The following GFOD1 variants were observed in gnomAD, a reference collection of about 807,000 sequenced individuals.
GFOD1 encodes the protein glucose-fructose oxidoreductase domain-containing protein 1.
In GFOD1, 9 loss-of-function variants were observed where a neutral mutation model predicts 25.4. The ratio of observed to expected loss-of-function variants is 0.35; its 90% CI spans 0.21 to 0.62. The LOEUF (loss-of-function observed/expected upper bound fraction) is 0.62. Ranked by LOEUF, GFOD1 falls within the 20% of genes least tolerant of loss-of-function variation. The pLI, the probability that GFOD1 is intolerant of heterozygous loss-of-function variation, is 0.72. For missense variants in GFOD1, 403 were observed against 556.9 expected (o/e 0.72, Z 2.78); for synonymous variants, 253 against 245.6 (o/e 1.03, Z -0.28).
At chr6:13,393,783 T>TTTC (rs1461907655) in intron 1 of GFOD1, among the ~76,000 whole-genome samples, 1 of 142,424 alleles carries the variant, frequency 7.0e-6, no homozygotes, top group Non-Finnish European at 1.6e-5. Flanking sequence ...TTCTTTTCTT[T>TTTC]TTTTTTTTTT....
intron 1 of GFOD1, among the ~76,000 whole-genome samples, chr6:13,425,809 T>C (rs1362128782): frequency 6.8e-6 from 1 of 147,934 alleles, no homozygotes; most frequent in Non-Finnish European, 1.5e-5. Context: ...TGGGCCACAT[T>C]GGAAGAAGAA....
rs1386071272 is a variant in GFOD1 at position 13,360,811 on chromosome 6, A to G, written c.*3932T>C. ...CACAGTCCTTCCTGGGTGTGAGAGC[A>G]GACCCCGTAGACATTGATAAGGAGC... On this transcript the variant is annotated 3_prime_UTR_variant, in exon 2 of 2. Transcript: ENST00000379287. 2.2e-6 allele frequency: 1 copy of G among 456,750 alleles called. No homozygotes were observed. The highest frequency in any genetic ancestry group is 2.3e-5 in the Admixed American group (1 of 42,588). The allele number at this position is 456,750 out of a possible 1,614,324, so 28.3% of individuals were successfully genotyped here. A position where few individuals can be genotyped will look rare whatever the true frequency, so the allele number is the denominator to read the frequency against.
intron 1 of GFOD1, among the ~76,000 whole-genome samples, chr6:13,394,311 G>T (rs1785681938): frequency 2.0e-5 from 3 of 151,902 alleles, no homozygotes; most frequent in Non-Finnish European, 2.9e-5. Context: ...CATCTGTACA[G>T]AAAAAAGAAT....
intron 1 of GFOD1, among the ~76,000 whole-genome samples, chr6:13,460,590 TA>T (rs1292876662): frequency 6.6e-6 from 1 of 152,190 alleles, no homozygotes; most frequent in Non-Finnish European, 1.5e-5. Flanking sequence ...CTACATGTTC[TA>T]ACTTATAAGT....
chr6:13,458,321 T>C (rs1421330740), intron 1 of GFOD1, among the ~76,000 whole-genome samples: 1 of 152,190 alleles, frequency 6.6e-6, no homozygotes, highest in African/African-American at 2.4e-5. Flanking sequence ...TTTCACCATG[T>C]TGGCCAGGCT....
chr6:13,399,342 G>C (rs1785798286), intron 1 of GFOD1, among the ~76,000 whole-genome samples: 1 of 152,058 alleles, frequency 6.6e-6, no homozygotes, highest in Admixed American at 6.5e-5. Context: ...TAAAACAAAG[G>C]CTTACTCTAA....
intron 1 of GFOD1, among the ~76,000 whole-genome samples, chr6:13,418,097 A>G (rs991086031): frequency 6.6e-6 from 1 of 152,190 alleles, no homozygotes. Flanking sequence ...AGGTAAGAAG[A>G]GAGAAAGGTA....
chr6:13,478,351 G>C (rs969314378), intron 1 of GFOD1, among the ~76,000 whole-genome samples: 4 of 152,156 alleles, frequency 2.6e-5, no homozygotes, highest in Admixed American at 2.0e-4. Context: ...TGTTGGCCAG[G>C]CTGGTCTCGA....
At chr6:13,435,185 T>C (rs1308116282) in intron 1 of GFOD1, among the ~76,000 whole-genome samples, 1 of 152,144 alleles carries the variant, frequency 6.6e-6, no homozygotes, top group South Asian at 2.1e-4. Flanking sequence ...CAACAAGCAA[T>C]GGAACTCAAA....
At chr6:13,367,882 C>T (rs1785077739) in intron 1 of GFOD1, among the ~76,000 whole-genome samples, 1 of 152,098 alleles carries the variant, frequency 6.6e-6, no homozygotes. Flanking sequence ...TAGGCATGCT[C>T]ACCCATAGAC....
intron 1 of GFOD1, among the ~76,000 whole-genome samples, chr6:13,406,748 T>C (rs1439920235): frequency 6.6e-6 from 1 of 152,210 alleles, no homozygotes; most frequent in Non-Finnish European, 1.5e-5. Context: ...ATTGGGCCTT[T>C]AAAGTGTCTG....
intron 1 of GFOD1, among the ~76,000 whole-genome samples, chr6:13,452,942 C>T (rs922511358): frequency 1.3e-5 from 2 of 152,152 alleles, no homozygotes; most frequent in African/African-American, 4.8e-5. Context: ...GGATTCTGGG[C>T]CAGATGTGAA....
chr6:13,379,508 C>T (rs1785317586), intron 1 of GFOD1, among the ~76,000 whole-genome samples: 2 of 152,132 alleles, frequency 1.3e-5, no homozygotes, highest in African/African-American at 2.4e-5. Flanking sequence ...GCAATGACGG[C>T]TTCTATCACC....
At chr6:13,418,724 G>A (rs1187042422) in intron 1 of GFOD1, among the ~76,000 whole-genome samples, 2 of 152,192 alleles carry the variant, frequency 1.3e-5, no homozygotes, top group Non-Finnish European at 2.9e-5. Context: ...AAATCAAGCT[G>A]TCTGGGACTC....
intron 1 of GFOD1, among the ~76,000 whole-genome samples, chr6:13,402,140 C>T (rs1004045033): frequency 6.6e-6 from 1 of 152,284 alleles, no homozygotes; most frequent in African/African-American, 2.4e-5. Context: ...TCCACATGCA[C>T]AAAAATGAAG....
chr6:13,449,218 G>A (rs1357615747), intron 1 of GFOD1, among the ~76,000 whole-genome samples: 1 of 152,236 alleles, frequency 6.6e-6, no homozygotes, highest in Admixed American at 6.5e-5. Context: ...TTGAGCCCAG[G>A]AGGTTGGGGC....
chr6:13,371,540 G>A (rs1175940806), intron 1 of GFOD1, among the ~76,000 whole-genome samples: 5 of 152,212 alleles, frequency 3.3e-5, no homozygotes, highest in Non-Finnish European at 1.5e-5. Flanking sequence ...AAATCATGCT[G>A]CAGAGAATTA....
In GFOD1 at chr6:13,365,816, C is replaced by T. The variant is rs925090591; in HGVS notation, c.254-154G>A. Among the ~76,000 whole-genome samples the T allele has an allele frequency of 4.6e-5, 7 of 150,896 alleles. No individual in the cohort carries two copies. Among genetic ancestry groups the T allele is most frequent in the Admixed American group, 1.3e-4 (2 of 15,166 alleles). On this transcript the variant is annotated intron_variant, in intron 1 of 1. Transcript: ENST00000379287. This position sits in a 1 kb window ranked among gnomAD's most constrained non-coding sequence, Gnocchi z 9.2. ...TCCCAGCACTTTGGGAGGCCAAGGC[C>T]GGAGGAGGCCTTGAGCCCAGGAGTT...
chr6:13,463,144 T>C (rs1758321798), intron 1 of GFOD1, among the ~76,000 whole-genome samples: 1 of 152,208 alleles, frequency 6.6e-6, no homozygotes, highest in African/African-American at 2.4e-5. Flanking sequence ...GGGTACTTAA[T>C]TAACTCCATG....
Sources: gnomAD v4.1 joint callset for allele counts (sites outside exome capture counted in the v4.1 genomes callset) on GRCh38, gnomAD v4.1.1 for gene constraint, Gnocchi (gnomAD v3.1) non-coding constraint, MANE v1.5 for transcripts, NCBI Gene and HGNC (gene_info 2026-07-23, HGNC 2026-07-21) for gene names.